The following SH3PXD2B variants were observed in gnomAD, a reference collection of about 807,000 sequenced individuals.
The protein encoded by SH3PXD2B is SH3 and PX domains 2B.
A neutral mutation model predicts 73.1 loss-of-function variants in SH3PXD2B; 37 were observed. The ratio of observed to expected loss-of-function variants is 0.51; its 90% confidence interval spans 0.39 to 0.67. SH3PXD2B has a LOEUF of 0.67. Ranked by LOEUF, SH3PXD2B falls within the 30% of genes least tolerant of loss-of-function variation. The pLI, the probability that SH3PXD2B is intolerant of heterozygous loss-of-function variation, is 0.00. For missense variants in SH3PXD2B, 1,053 were observed against 1,197.8 expected (o/e 0.88, Z 1.78); for synonymous variants, 457 against 480.5 (o/e 0.95, Z 0.64).
chr5:172,330,120 C>A (rs952028325), downstream of SH3PXD2B, among the ~76,000 whole-genome samples: 11 of 152,206 alleles, frequency 7.2e-5, no homozygotes, highest in South Asian at 2.1e-4. Context: ...CTCTCCTAAT[C>A]AAAAAATCTG....
chr5:172,441,091 T>A (rs1759542105), intron 1 of SH3PXD2B, among the ~76,000 whole-genome samples: 1 of 152,162 alleles, frequency 6.6e-6, no homozygotes, highest in South Asian at 2.1e-4. Flanking sequence ...GACAATTTCA[T>A]ATGGTTCAAC....
intron 1 of SH3PXD2B, among the ~76,000 whole-genome samples, chr5:172,443,083 A>G (rs963284072): frequency 1.3e-5 from 2 of 152,264 alleles, no homozygotes; most frequent in Non-Finnish European, 2.9e-5. Context: ...ATAGTTATCA[A>G]AATGTTTCAA....
chr5:172,439,238 G>GAAAAAAAAAAAAA (rs922645535), intron 1 of SH3PXD2B, among the ~76,000 whole-genome samples: 1 of 33,234 alleles, frequency 3.0e-5, no homozygotes, highest in Non-Finnish European at 6.4e-5. Flanking sequence ...AGAAAAAACA[G>GAAAAAAAAAAAAA]AAAAAAAAAA....
chr5:172,406,816 T>C (rs1357763063), intron 2 of SH3PXD2B, among the ~76,000 whole-genome samples: 2 of 152,150 alleles, frequency 1.3e-5, no homozygotes, highest in Non-Finnish European at 1.5e-5. Flanking sequence ...GCTCAACAGA[T>C]AGCTTTGGGC....
chr5:172,415,806 G>C (rs1050386989), intron 2 of SH3PXD2B, among the ~76,000 whole-genome samples: 5 of 152,212 alleles, frequency 3.3e-5, no homozygotes, highest in Admixed American at 2.6e-4. Flanking sequence ...CAGAAAGGGA[G>C]AATCAGAGAG....
rs1431200387 is a variant in SH3PXD2B at position 172,406,267 on chromosome 5, T to C, written c.232+10A>G. On this transcript the variant is annotated intron_variant, in intron 3 of 12. Transcript: ENST00000311601. ...CAGTGTCCCAGTCTGAGAGCACCCA[T>C]CTCACCTACCTGGCAGAAAGGGGAT... is the stretch of plus-strand genomic sequence containing the variant. 1.2e-6 allele frequency: 2 copies of C among 1,613,894 alleles called. No homozygotes were observed. Among genetic ancestry groups the C allele is most frequent in the East Asian group, 4.5e-5 (2 of 44,860 alleles).
Position 172,334,645 on chromosome 5 carries a change from G to A in SH3PXD2B, c.*3724C>T. The A allele has an allele frequency of 2.0e-6, 2 of 985,518 alleles. No individual in the cohort carries two copies. Among genetic ancestry groups the A allele is most frequent in the Non-Finnish European group, 2.4e-6 (2 of 829,998 alleles). 61.0% of individuals were successfully genotyped at this position (985,518 alleles called of 1,614,324 possible). On this transcript the variant is annotated 3_prime_UTR_variant, in exon 13 of 13. Coordinates refer to ENST00000311601, the MANE Select transcript of SH3PXD2B (RefSeq NM_001017995.3). ...ACTTGGGCACGATGAAAGGACGGGG[G>A]TCCAGCTACGAATGTTTTTGTTCTT...
At chr5:172,410,609 AG>A (rs1417696421) in intron 2 of SH3PXD2B, among the ~76,000 whole-genome samples, 1 of 152,178 alleles carries the variant, frequency 6.6e-6, no homozygotes, top group Non-Finnish European at 1.5e-5. Flanking sequence ...TAAAAACTAA[AG>A]TTTACTGATT....
rs1233752609 is a variant in SH3PXD2B, at chr5:172,419,577, G to C, written c.156+2839C>G. Reference sequence around the variant, plus strand: ...GGCCAGTGGGCAACTGCAGGAAGTGGTCCAGAACAGGCTCCATGGGAGATC... The same window carrying C: ...GGCCAGTGGGCAACTGCAGGAAGTGCTCCAGAACAGGCTCCATGGGAGATC... On this transcript the variant is annotated intron_variant, in intron 2 of 12. Coordinates refer to ENST00000311601, the MANE Select transcript of SH3PXD2B (RefSeq NM_001017995.3). 2.6e-5 allele frequency among the ~76,000 whole-genome samples: 4 copies of C among 152,318 alleles called. No individual in the cohort carries two copies. In the East Asian group the frequency reaches 7.7e-4, roughly 29 times the overall value.
chr5:172,417,904 C>T (rs1758862584), intron 2 of SH3PXD2B, among the ~76,000 whole-genome samples: 1 of 152,194 alleles, frequency 6.6e-6, no homozygotes, highest in Non-Finnish European at 1.5e-5. Context: ...TCTAGAACAT[C>T]TTCATCACCC....
At chr5:172,435,251 T>C (rs1006888491) in intron 1 of SH3PXD2B, among the ~76,000 whole-genome samples, 2 of 152,210 alleles carry the variant, frequency 1.3e-5, no homozygotes, top group African/African-American at 4.8e-5. Context: ...AAAATTTCCA[T>C]TTAAAAGTAA....
intron 1 of SH3PXD2B, among the ~76,000 whole-genome samples, chr5:172,449,018 C>G (rs187362377): frequency 1.2e-4 from 19 of 152,296 alleles, no homozygotes; most frequent in African/African-American, 4.6e-4. Flanking sequence ...CCAGTAATGC[C>G]TACTAAGGGC....
intron 5 of SH3PXD2B, among the ~76,000 whole-genome samples, chr5:172,375,205 C>T (rs954093465): frequency 2.6e-5 from 4 of 152,030 alleles, no homozygotes; most frequent in African/African-American, 9.7e-5. Flanking sequence ...ACTAAAAATA[C>T]AAAAATGAGC....
chr5:172,333,589 C>A lies in SH3PXD2B; in HGVS notation c.*4780G>T. The A allele has an allele frequency of 1.6e-6, 2 of 1,263,252 alleles. No individual in the cohort carries two copies. Among genetic ancestry groups the A allele is most frequent in the Admixed American group, 2.8e-5 (1 of 36,346 alleles). 78.3% of individuals were successfully genotyped at this position (1,263,252 alleles called of 1,614,324 possible). A position where few individuals can be genotyped will look rare whatever the true frequency, so the allele number is the denominator to read the frequency against. ...CAAATGGTAAAGTATATAGCCTACACATGCTACAGCTAGTTGTTCTCACCC... is the reference window on the plus strand; with the variant it reads ...CAAATGGTAAAGTATATAGCCTACAAATGCTACAGCTAGTTGTTCTCACCC... On this transcript the variant is annotated 3_prime_UTR_variant, in exon 13 of 13. Transcript: ENST00000311601.
intron 5 of SH3PXD2B, among the ~76,000 whole-genome samples, chr5:172,374,904 C>A (rs1272577644): frequency 1.3e-5 from 2 of 152,112 alleles, no homozygotes; most frequent in Admixed American, 1.3e-4. Context: ...TCACAACGAT[C>A]CCAGGAAATA....
At chr5:172,347,070 C>T (rs1364830458) in intron 11 of SH3PXD2B, among the ~76,000 whole-genome samples, 1 of 152,200 alleles carries the variant, frequency 6.6e-6, no homozygotes, top group African/African-American at 2.4e-5. Context: ...CACAGGAGCA[C>T]TCTGGCCCCG....
At chr5:172,355,348 C>T (rs1426237814) in intron 8 of SH3PXD2B, among the ~76,000 whole-genome samples, 1 of 152,218 alleles carries the variant, frequency 6.6e-6, no homozygotes, top group African/African-American at 2.4e-5. Flanking sequence ...CCGTTCCCCT[C>T]CTTCACGGAA....
chr5:172,325,359 C>G, exon 13 of SH3PXD2B: 1 of 1,535,376 alleles, frequency 6.5e-7, no homozygotes, highest in Non-Finnish European at 8.7e-7. Context: ...ACAGGGCTCT[C>G]CAAGTGAACA....
At chr5:172,373,958 A>G in intron 5 of SH3PXD2B, 143 bp from the exon 6 acceptor site, 1 of 865,234 alleles carries the variant, frequency 1.2e-6, no homozygotes, top group Non-Finnish European at 1.8e-6. Context: ...CAACTAGAGG[A>G]ACCCTGACTT....
Sources: allele counts gnomAD v4.1 joint callset (sites outside exome capture counted in the v4.1 genomes callset), GRCh38; gene constraint gnomAD v4.1.1; transcripts MANE v1.5; gene names NCBI Gene and HGNC (gene_info 2026-07-23, HGNC 2026-07-21).